The following BHLHE41 variants were observed in gnomAD, a reference collection of about 807,000 sequenced individuals.
The protein encoded by BHLHE41 is basic helix-loop-helix family member e41.
BHLHE41 carries 14 observed loss-of-function variants against 24.0 expected under a neutral mutation model. The observed-to-expected ratio is 0.58, with a 90% CI of 0.39 to 0.91. The LOEUF (loss-of-function observed/expected upper bound fraction) is 0.91, where lower values mean the gene tolerates loss of function less well. Ranked by LOEUF, BHLHE41 falls within the 40% of genes least tolerant of loss-of-function variation. The pLI is 0.00. For missense variants in BHLHE41, 674 were observed against 655.4 expected, an observed-to-expected ratio of 1.03 and a Z score of -0.31; for synonymous variants, 394 against 315.5, an observed-to-expected ratio of 1.25 and a Z score of -2.64.
At chr12:26,123,795 G>T in intron 3 of BHLHE41, 54 bp from the exon 4 acceptor site, 1 of 1,141,976 alleles carries the variant, frequency 8.8e-7, no homozygotes, top group South Asian at 1.2e-5. Context: ...ACACACATTT[G>T]GCTTAATTGG....
chr12:26,121,854 A>AG lies in BHLHE41; in HGVS notation c.*211dup. 8.4e-7 allele frequency: 1 copy of AG among 1,184,010 alleles called. No homozygotes were observed. Among genetic ancestry groups the AG allele is most frequent in the Non-Finnish European group, 1.2e-6 (1 of 869,054 alleles). The allele number at this position is 1,184,010 out of a possible 1,614,324, so 73.3% of individuals were successfully genotyped here. A position where few individuals can be genotyped will look rare whatever the true frequency, so the allele number is the denominator to read the frequency against. ...GGAAGAAAGGGATGTTAGTGTGTGG[A>AG]GGGTGGGGTGGTGCGGGATGAGCAA... On this transcript the variant is annotated 3_prime_UTR_variant, in exon 5 of 5. Transcript: ENST00000242728.
chr12:26,123,896 G>A (rs1591839503), intron 3 of BHLHE41, 155 bp from the exon 4 acceptor site: 2 of 751,082 alleles, frequency 2.7e-6, no homozygotes, highest in Non-Finnish European at 4.7e-6. Context: ...GGTTATAAAT[G>A]ATTTCTTGCC....
In BHLHE41 at chr12:26,123,131, C is replaced by T. The variant is rs1283461182; in HGVS notation, c.384G>A (p.Leu128=). ...TTTGAAATCCCGAGTGGAACGCATCCAAGTCGGACTGAATGGGCGATTTCA... is the reference window on the plus strand; with the variant it reads ...TTTGAAATCCCGAGTGGAACGCATCTAAGTCGGACTGAATGGGCGATTTCA... ...RSLKSPIQSD[L]DAFHSGFQTC... The change falls in exon 5 of 5, where the codon TTG becomes TTA. Residue 128 remains leucine (L), a synonymous_variant. Transcript: ENST00000242728. 1.9e-6 allele frequency: 3 copies of T among 1,607,164 alleles called. No individual in the cohort carries two copies. Among genetic ancestry groups the T allele is most frequent in the Non-Finnish European group, 1.7e-6 (2 of 1,175,612 alleles).
intron 3 of BHLHE41, 45 bp from the exon 4 acceptor site, chr12:26,123,786 C>A (rs1298464327): frequency 4.6e-6 from 6 of 1,316,598 alleles, no homozygotes; most frequent in Non-Finnish European, 6.6e-6. Flanking sequence ...TACTTAAAAA[C>A]ACACATTTGG....
chr12:26,124,233 A>G (rs1944341691), intron 2 of BHLHE41, 54 bp from the exon 3 acceptor site: 1 of 1,164,190 alleles, frequency 8.6e-7, no homozygotes, highest in African/African-American at 1.5e-5. Flanking sequence ...ACATTCACTT[A>G]TTGGATATTA....
In BHLHE41 at chr12:26,122,963, G is replaced by A. The variant is rs776355718; in HGVS notation, c.552C>T (p.Val184=). The change falls in exon 5 of 5, where the codon GTC becomes GTT. Residue 184 remains valine, a synonymous_variant. Transcript: ENST00000242728. ...LPTPQLLTQQ[V]PLSKGTGAPS... is the part of the protein sequence containing the mutation. The stretch of plus-strand genomic sequence containing the variant: ...GAGCGCCGGTGCCTTTGCTCAGAGG[G>A]ACCTGTTGAGTCAACAGCTGCGGGG... 5.8e-6 allele frequency: 9 copies of A among 1,560,678 alleles called. No individual in the cohort carries two copies. Among genetic ancestry groups the A allele is most frequent in the East Asian group, 2.4e-5 (1 of 41,568 alleles).
rs1296021883 is a variant in BHLHE41, at chr12:26,122,087, C to T, written c.1428G>A (p.Gln476=). The T allele has an allele frequency of 1.9e-6, 3 of 1,549,836 alleles. No individual in the cohort carries two copies. Among genetic ancestry groups the T allele is most frequent in the South Asian group, 2.4e-5 (2 of 84,060 alleles). The part of the protein sequence containing the change: ...PESSAQEDPS[Q]PGKEAP ...GGATTCAGGGAGCTTCCTTTCCTGG[C>T]TGCGAGGGATCTTCCTGAGCAGAGC... is the stretch of plus-strand genomic sequence containing the variant. The change falls in exon 5 of 5, where the codon CAG becomes CAA. Residue 476 remains glutamine (Q), a synonymous_variant. Transcript: ENST00000242728.
At position 26,122,865 on chromosome 12, in the gene BHLHE41, CAGT is replaced by C. The variant is rs763127058; in HGVS notation, c.647_649del (p.Tyr216del). The C allele has an allele frequency of 6.4e-7, 1 of 1,563,370 alleles. No homozygotes were observed. The highest frequency in any genetic ancestry group is 8.7e-7 in the Non-Finnish European group (1 of 1,155,760). On this transcript the variant is annotated inframe_deletion, in exon 5 of 5. Transcript: ENST00000242728. ...CTGAGTCCGCTGGATGACGGGCACG[CAGT>C]AGGCGAGGGGCTCCAGCTTCTGCCC...
chr12:26,123,883 A>G (rs1944337430), intron 3 of BHLHE41, 142 bp from the exon 4 acceptor site: 1 of 768,260 alleles, frequency 1.3e-6, no homozygotes. Context: ...TTTCCACAAG[A>G]CAGGTTATAA....
rs575264913 is a variant in BHLHE41 at position 26,123,003 on chromosome 12, G to C, written c.512C>G (p.Thr171Ser). ...QLINHLHAVA[T>S]QFLPTPQLLT... ...CAGCTGCGGGGTGGGCAAGAACTGG[G>C]TGGCCACGGCGTGCAAGTGGTTGAT... is the stretch of plus-strand genomic sequence containing the variant. Residue 171 changes from threonine (T) to serine (S), a missense_variant, in exon 5 of 5, where the codon ACC becomes AGC. Transcript: ENST00000242728. 6.4e-7 allele frequency: 1 copy of C among 1,568,018 alleles called. No homozygotes were observed. The highest frequency in any genetic ancestry group is 2.4e-5 in the East Asian group (1 of 42,134).
In BHLHE41 at chr12:26,120,365, A is replaced by C. The variant is rs1944294337; in HGVS notation, c.*1701T>G. On this transcript the variant is annotated 3_prime_UTR_variant, in exon 5 of 5. Coordinates refer to ENST00000242728, the MANE Select transcript of BHLHE41 (RefSeq NM_030762.3). The stretch of plus-strand genomic sequence containing the variant: ...GGAGTGCTGAAAATACTAGAATATA[A>C]AGGTAATTTCTAGTTTATCGTCACA... The C allele has an allele frequency of 6.6e-6, 1 of 152,646 alleles. No homozygotes were observed. The highest frequency in any genetic ancestry group is 6.5e-5 in the Admixed American group (1 of 15,282). 9.5% of individuals were successfully genotyped at this position (152,646 alleles called of 1,614,324 possible).
chr12:26,124,938 C>G lies in BHLHE41; in HGVS notation c.-159G>C, dbSNP rs1944350354. 5.4e-6 allele frequency: 4 copies of G among 741,854 alleles called. No homozygotes were observed. Among genetic ancestry groups the G allele is most frequent in the Admixed American group, 4.0e-5 (2 of 50,282 alleles). The allele number at this position is 741,854 out of a possible 1,614,324, so 46.0% of individuals were successfully genotyped here. On this transcript the variant is annotated 5_prime_UTR_variant, in exon 1 of 5. Transcript: ENST00000242728. ...GTGTTGAAAGTGTGAAGCAGTTGGTCCCCCCCCTCCACCGCGCTCGCACAC... is the reference window on the plus strand; with the variant it reads ...GTGTTGAAAGTGTGAAGCAGTTGGTGCCCCCCCTCCACCGCGCTCGCACAC...
chr12:26,124,672 C>G, intron 1 of BHLHE41, 46 bp downstream of exon 1: 1 of 1,613,702 alleles, frequency 6.2e-7, no homozygotes, highest in African/African-American at 1.3e-5. Context: ...AGAAAAAAAT[C>G]AAACCAAAGC....
Position 26,124,169 on chromosome 12 carries a change from T to C in BHLHE41, c.137A>G (p.Lys46Arg). The change falls in exon 3 of 5, where the codon AAA becomes AGA. Residue 46 changes from lysine (K) to arginine (R), a missense_variant. By Grantham distance (26) the Lys-to-Arg change is conservative (BLOSUM62 2). This residue lies in a region of BHLHE41 where 67 missense variants were observed against 62.4 expected (regional missense o/e 1.07). Transcript: ENST00000242728. ...CTTTTCTATTAATCTGTGCGGTAAT[T>C]TGTAGGTATCCTTAATATATGAGAG... ...MKRDDTKDTY[K>R]LPHRLIEKKR... The C allele has an allele frequency of 6.3e-7, 1 of 1,598,880 alleles. No individual in the cohort carries two copies. The highest frequency in any genetic ancestry group is 1.7e-5 in the Admixed American group (1 of 59,996).
Position 26,122,199 on chromosome 12 carries a change from G to T in BHLHE41, c.1316C>A (p.Ala439Glu). The change falls in exon 5 of 5, where the codon GCG becomes GAG. Residue 439 changes from alanine (A) to glutamate (E), a missense_variant. Ala to Glu is a moderately radical substitution (Grantham distance 107). Around this residue, in one of 3 missense-constraint regions of BHLHE41, gnomAD observed 602 missense variants for 570.8 expected, o/e 1.05. Coordinates refer to ENST00000242728, the MANE Select transcript of BHLHE41 (RefSeq NM_030762.3). ...AAATLLPHEV[A>E]PLGAPHPQHP... ...CTGGGGGTGCGGCGCCCCAAGGGGC[G>T]CCACCTCGTGCGGCAGGAGGGTCGC... The T allele has an allele frequency of 1.4e-6, 2 of 1,396,278 alleles. No individual in the cohort carries two copies. The highest frequency in any genetic ancestry group is 5.9e-5 in the East Asian group (2 of 33,806). The allele number at this position is 1,396,278 out of a possible 1,614,324, so 86.5% of individuals were successfully genotyped here. A position where few individuals can be genotyped will look rare whatever the true frequency, so the allele number is the denominator to read the frequency against.
intron 1 of BHLHE41, 59 bp from the exon 2 acceptor site, chr12:26,124,641 C>A (rs1944346987): frequency 6.2e-7 from 1 of 1,612,282 alleles, no homozygotes; most frequent in East Asian, 2.2e-5. Flanking sequence ...CCCTCGCCAG[C>A]TCCATACCAC....
chr12:26,123,500 A>G, intron 4 of BHLHE41, 130 bp downstream of exon 4: 1 of 778,166 alleles, frequency 1.3e-6, no homozygotes, highest in African/African-American at 1.7e-5. Context: ...AGTATAAGCA[A>G]TTTAACAAAT....
In BHLHE41 at chr12:26,122,554, C is replaced by A; in HGVS notation, c.961G>T (p.Ala321Ser). The A allele has an allele frequency of 1.7e-6, 2 of 1,192,380 alleles. No individual in the cohort carries two copies. The highest frequency in any genetic ancestry group is 1.0e-6 in the Non-Finnish European group (1 of 957,904). 73.9% of individuals were successfully genotyped at this position (1,192,380 alleles called of 1,614,324 possible). A position where few individuals can be genotyped will look rare whatever the true frequency, so the allele number is the denominator to read the frequency against. ...AACGCCACCAGCGAGCTGAGCAGGG[C>A]GGCGTCGGGTCTCAGCAGCGCGGCC... ...AAAALLRPDAALLSSLVAFGG... is the reference protein window; with the variant it reads ...AAAALLRPDASLLSSLVAFGG... The change falls in exon 5 of 5, where the codon GCC becomes TCC. Residue 321 changes from alanine to serine, a missense_variant. Ala to Ser is a moderately conservative substitution (Grantham distance 99). Around this residue, in one of 3 missense-constraint regions of BHLHE41, gnomAD observed 602 missense variants for 570.8 expected, o/e 1.05. Coordinates refer to ENST00000242728, the MANE Select transcript of BHLHE41 (RefSeq NM_030762.3).
intron 1 of BHLHE41, 61 bp from the exon 2 acceptor site, chr12:26,124,643 C>G: frequency 6.2e-7 from 1 of 1,612,418 alleles, no homozygotes; most frequent in Non-Finnish European, 8.5e-7. Context: ...CTCGCCAGCT[C>G]CATACCACTT....
Sources: gnomAD v4.1 joint callset for allele counts on GRCh38, gnomAD v4.1.1 for gene constraint, gnomAD v4.1.1 regional missense constraint, MANE v1.5 for transcripts, NCBI Gene and HGNC (gene_info 2026-07-23, HGNC 2026-07-21) for gene names.